Variants in PLD5 observed in about 807,000 individuals in gnomAD.
PLD5 encodes the protein inactive phospholipase D5.
PLD5 carries 36 observed loss-of-function variants against 61.1 expected under a neutral mutation model. The ratio of observed to expected loss-of-function variants is 0.59; its 90% CI spans 0.45 to 0.78. The LOEUF (loss-of-function observed/expected upper bound fraction) is 0.78, where lower values mean the gene tolerates loss of function less well. Ranked by LOEUF, PLD5 falls within the 30% of genes least tolerant of loss-of-function variation. PLD5 has a pLI of 0.00. For missense variants in PLD5, 515 were observed against 644.4 expected (o/e 0.80, Z 2.17); for synonymous variants, 243 against 242.8 (o/e 1.00, Z -0.01).
In PLD5 at chr1:242,514,172, T is replaced by C. The variant is rs573960335; in HGVS notation, c.189+9916A>G. Among the ~76,000 whole-genome samples, 59 of 152,336 alleles carry C rather than the reference T, an allele frequency of 3.9e-4. 1 individual carries two copies. The highest frequency in any genetic ancestry group is 1.3e-3 in the African/African-American group (53 of 41,580). ...GTATCTTCCAAGTCCTCAAGCCCAT[T>C]AATCTACCATTGTGGGTGTTTTTAC... On this transcript the variant is annotated intron_variant, in intron 1 of 9. Coordinates refer to ENST00000536534, the MANE Select transcript of PLD5 (RefSeq NM_001372062.1).
rs181902676 is a variant in PLD5, at chr1:242,241,808, C to A, written c.608-21693G>T. ...TACTTATTTCTATTTGCCTCTAGGA[C>A]CTCTACCAGCATTAAAAATATTGAA... On this transcript the variant is annotated intron_variant, in intron 4 of 9. Transcript: ENST00000536534. 7.0e-3 allele frequency among the ~76,000 whole-genome samples: 1,018 copies of A among 144,636 alleles called. 21 individuals carry two copies. The highest frequency in any genetic ancestry group is 0.024 in the African/African-American group (936 of 39,220). 94.9% of individuals were successfully genotyped at this position (144,636 alleles called of 152,430 possible). A position where few individuals can be genotyped will look rare whatever the true frequency, so the allele number is the denominator to read the frequency against.
At chr1:242,148,909 A>C (rs1664728235) in intron 5 of PLD5, among the ~76,000 whole-genome samples, 1 of 151,924 alleles carries the variant, frequency 6.6e-6, no homozygotes, top group Non-Finnish European at 1.5e-5. Context: ...AGTTTTAGTA[A>C]CTTTTTAATA....
At chr1:242,097,727 C>T (rs559683931) in intron 9 of PLD5, among the ~76,000 whole-genome samples, 7 of 152,290 alleles carry the variant, frequency 4.6e-5, no homozygotes, top group Admixed American at 1.3e-4. Context: ...GTTTCTTTTG[C>T]TGTGCAGAAG....
At chr1:242,436,873 A>C (rs1324004308) in intron 1 of PLD5, among the ~76,000 whole-genome samples, 4 of 152,232 alleles carry the variant, frequency 2.6e-5, no homozygotes, top group African/African-American at 7.2e-5. Context: ...ATTTATTCTA[A>C]GACATTTTCT....
chr1:242,269,772 G>A (rs1226120393), intron 3 of PLD5, among the ~76,000 whole-genome samples: 1 of 152,164 alleles, frequency 6.6e-6, no homozygotes, highest in Non-Finnish European at 1.5e-5. Context: ...GAGCCTTTCA[G>A]GTGATGACAG....
chr1:242,496,026 C>T (rs1668357789), intron 1 of PLD5, among the ~76,000 whole-genome samples: 1 of 152,234 alleles, frequency 6.6e-6, no homozygotes, highest in Non-Finnish European at 1.5e-5. Flanking sequence ...AACTTAAATT[C>T]AAATGTTCCC....
chr1:242,441,618 CA>C (rs531523492), intron 1 of PLD5, among the ~76,000 whole-genome samples: 309 of 152,092 alleles, frequency 2.0e-3, no homozygotes, highest in African/African-American at 6.8e-3. Flanking sequence ...CTTTAGAGTG[CA>C]TAAGGATATA....
At chr1:242,442,417 T>C (rs931474759) in intron 1 of PLD5, among the ~76,000 whole-genome samples, 4 of 152,210 alleles carry the variant, frequency 2.6e-5, no homozygotes, top group Non-Finnish European at 4.4e-5. Flanking sequence ...ACTTTATCCA[T>C]GGCGGCACTG....
chr1:242,177,762 C>G (rs116320395), intron 5 of PLD5: 8 of 152,292 alleles, frequency 5.3e-5, no homozygotes, highest in African/African-American at 1.7e-4. Flanking sequence ...GATCCAGGAA[C>G]AAGCTAGCAA....
At chr1:242,384,701 G>A (rs574734091) in intron 1 of PLD5, among the ~76,000 whole-genome samples, 1 of 152,146 alleles carries the variant, frequency 6.6e-6, no homozygotes, top group South Asian at 2.1e-4. Context: ...TGTTTGGATA[G>A]CCAGTTCTCT....
chr1:242,286,460 G>T (rs542876020), intron 3 of PLD5, among the ~76,000 whole-genome samples: 1 of 152,228 alleles, frequency 6.6e-6, no homozygotes, highest in Non-Finnish European at 1.5e-5. Context: ...GTACCAGGGT[G>T]AGAAAATAGC....
intron 5 of PLD5, among the ~76,000 whole-genome samples, chr1:242,126,252 A>C (rs748925193): frequency 2.0e-5 from 3 of 152,212 alleles, no homozygotes; most frequent in Admixed American, 6.5e-5. Context: ...GTAATCTACA[A>C]ATTCAATGCA....
intron 1 of PLD5, among the ~76,000 whole-genome samples, chr1:242,494,035 T>C (rs900997175): frequency 1.3e-5 from 2 of 151,870 alleles, no homozygotes; most frequent in Non-Finnish European, 2.9e-5. Flanking sequence ...TTTATTTGCC[T>C]TTGCATTGGT....
At chr1:242,438,431 T>C (rs956886719) in intron 1 of PLD5, among the ~76,000 whole-genome samples, 7 of 140,078 alleles carry the variant, frequency 5.0e-5, no homozygotes, top group African/African-American at 1.6e-4. Flanking sequence ...GCCTGGCTAA[T>C]TTTTTTTCTT....
rs181440553 is a variant in PLD5 at position 242,431,593 on chromosome 1, A to G, written c.190-83351T>C. On this transcript the variant is annotated intron_variant, in intron 1 of 9. Coordinates refer to ENST00000536534, the MANE Select transcript of PLD5 (RefSeq NM_001372062.1). ...CTTATTTACACATCTTCTTTTAACT[A>G]CTTTAAGGGGAAACAAATACAACAG... Among the ~76,000 whole-genome samples the G allele has an allele frequency of 2.2e-4, 34 of 152,340 alleles. No individual in the cohort carries two copies. In the East Asian group the frequency reaches 6.4e-3, roughly 29 times the overall value.
chr1:242,345,465 T>C (rs1660077772), intron 2 of PLD5: 4 of 642,882 alleles, frequency 6.2e-6, no homozygotes, highest in Admixed American at 2.2e-5. Context: ...GGCTAGAGTA[T>C]TGGGAAGTAA....
intron 2 of PLD5, among the ~76,000 whole-genome samples, chr1:242,295,500 G>C (rs1418476197): frequency 6.6e-6 from 1 of 152,108 alleles, no homozygotes; most frequent in African/African-American, 2.4e-5. Context: ...TTGTAGTATT[G>C]CATGGTGTAT....
At chr1:242,133,118 A>T (rs1048850319) in intron 5 of PLD5, among the ~76,000 whole-genome samples, 1 of 149,862 alleles carries the variant, frequency 6.7e-6, no homozygotes, top group Admixed American at 6.7e-5. Context: ...TCCCGCAACC[A>T]ATCACGCTGG....
chr1:242,508,392 T>G (rs959844382), intron 1 of PLD5, among the ~76,000 whole-genome samples: 3 of 151,962 alleles, frequency 2.0e-5, no homozygotes, highest in Non-Finnish European at 2.9e-5. Context: ...AAAAATTTTG[T>G]TAGGTGACCA....
Sources: allele counts gnomAD v4.1 joint callset (sites outside exome capture counted in the v4.1 genomes callset), GRCh38; gene constraint gnomAD v4.1.1; transcripts MANE v1.5; gene names NCBI Gene and HGNC (gene_info 2026-07-23, HGNC 2026-07-21).